Variants in ATP10A observed in about 807,000 individuals in gnomAD.
The protein encoded by ATP10A is ATPase phospholipid transporting 10A (putative).
A neutral mutation model predicts 147.8 loss-of-function variants in ATP10A; 111 were observed. The observed-to-expected ratio is 0.75, with a 90% CI of 0.64 to 0.88. ATP10A has a LOEUF of 0.88. Ranked by LOEUF, ATP10A falls within the 40% of genes least tolerant of loss-of-function variation. The probability of loss-of-function intolerance (pLI) is 0.00; values close to 1 mark genes in which losing one functional copy is unlikely to be tolerated. For synonymous variants in ATP10A, 875 were observed against 841.6 expected (o/e 1.04, Z -0.69); for missense variants, 1,927 against 1,959.0 (o/e 0.98, Z 0.31).
chr15:25,672,272 A>C, the ATP10A span, among the ~76,000 whole-genome samples: 1 of 152,072 alleles, frequency 6.6e-6, no homozygotes, highest in Non-Finnish European at 1.5e-5. Context: ...TCCTTCACTC[A>C]GTTTCCTGTC....
At chr15:25,777,693 T>C (rs1165360692) in intron 2 of ATP10A, among the ~76,000 whole-genome samples, 1 of 151,884 alleles carries the variant, frequency 6.6e-6, no homozygotes, top group Non-Finnish European at 1.5e-5. Context: ...CTCAAACTTC[T>C]GGTTCAAACC....
intron 1 of ATP10A, among the ~76,000 whole-genome samples, chr15:25,845,652 C>A (rs1892994362): frequency 6.6e-6 from 1 of 152,114 alleles, no homozygotes. Flanking sequence ...CAGCCAGGGC[C>A]CGACACCTCT....
intron 13 of ATP10A, among the ~76,000 whole-genome samples, chr15:25,698,116 T>C (rs2140333019): frequency 6.6e-6 from 1 of 152,282 alleles, no homozygotes; most frequent in African/African-American, 2.4e-5. Context: ...GGACACTAGG[T>C]AAAAACTAAG....
chr15:25,713,635 C>T (rs760327373), intron 10 of ATP10A, 39 bp downstream of exon 10: 8 of 1,589,112 alleles, frequency 5.0e-6, no homozygotes, highest in African/African-American at 2.7e-5. Context: ...AGGACCTCCT[C>T]CCCCGAGCTG....
In ATP10A at chr15:25,679,554, G is replaced by A. The variant is rs1391647866; in HGVS notation, c.4287C>T (p.Leu1429=). The A allele has an allele frequency of 5.0e-6, 8 of 1,612,424 alleles. No individual in the cohort carries two copies. Among genetic ancestry groups the A allele is most frequent in the Non-Finnish European group, 6.8e-6 (8 of 1,178,768 alleles). ...STGRVTPLSS[L]FSLPTFSLLN... Reference sequence around the variant, plus strand: ...GTAAGCTGAAGGTAGGCAGGCTGAAGAGGGAAGACAGGGGGGTCACCCTGC... The same window carrying A: ...GTAAGCTGAAGGTAGGCAGGCTGAAAAGGGAAGACAGGGGGGTCACCCTGC... Residue 1429 remains leucine, a synonymous_variant, in exon 21 of 21, where the codon CTC becomes CTT. Transcript: ENST00000555815.
chr15:25,767,256 A>G (rs1260170280), intron 2 of ATP10A, among the ~76,000 whole-genome samples: 1 of 152,148 alleles, frequency 6.6e-6, no homozygotes, highest in African/African-American at 2.4e-5. Context: ...TCCTGCAGAG[A>G]GGAGATGGGT....
chr15:25,822,389 T>C (rs765957438), intron 1 of ATP10A, among the ~76,000 whole-genome samples: 17 of 152,320 alleles, frequency 1.1e-4, no homozygotes, highest in Non-Finnish European at 2.4e-4. Context: ...CTAGACTGGA[T>C]ATGTAACTTT....
rs1889898570 is a variant in ATP10A, at chr15:25,781,072, C to T, written c.601G>A (p.Asp201Asn). Residue 201 changes from aspartate (D) to asparagine (N), a missense_variant, in exon 2 of 21, where the codon GAT becomes AAT. Transcript: ENST00000555815. Reference sequence around the variant, plus strand: ...CGCCGCTTCAGGTTGGTCTCTCCATCCAGGTTGGCGGTCTCGATGTGGCAT... The same window carrying T: ...CGCCGCTTCAGGTTGGTCTCTCCATTCAGGTTGGCGGTCTCGATGTGGCAT... Reference protein sequence around the residue: ...GLCHIETANLDGETNLKRRQV... With the variant: ...GLCHIETANLNGETNLKRRQV... 1 of 1,614,176 alleles carries T rather than the reference C, an allele frequency of 6.2e-7. No homozygotes were observed. Among genetic ancestry groups the T allele is most frequent in the Non-Finnish European group, 8.5e-7 (1 of 1,180,034 alleles).
At chr15:25,833,506 T>G (rs1892455819) in intron 1 of ATP10A, among the ~76,000 whole-genome samples, 1 of 152,018 alleles carries the variant, frequency 6.6e-6, no homozygotes, top group Admixed American at 6.6e-5. Context: ...GACAGTAGAG[T>G]ACCCCTACCA....
At chr15:25,772,490 C>T (rs530468084) in intron 2 of ATP10A, among the ~76,000 whole-genome samples, 6 of 152,248 alleles carry the variant, frequency 3.9e-5, no homozygotes, top group South Asian at 4.2e-4. Flanking sequence ...AGTCTGTCCT[C>T]GCAGAATTTC....
At chr15:25,723,209 T>C (rs538752806) in intron 6 of ATP10A, among the ~76,000 whole-genome samples, 5 of 151,830 alleles carry the variant, frequency 3.3e-5, no homozygotes, top group South Asian at 2.1e-4. Context: ...ATTAGCAAGG[T>C]GTGTGGCATG....
upstream of ATP10A, among the ~76,000 whole-genome samples, chr15:25,863,438 G>A (rs959759024): frequency 4.6e-5 from 7 of 152,116 alleles, no homozygotes; most frequent in African/African-American, 1.7e-4. Flanking sequence ...ACTGGGCCAC[G>A]CCGGATAGCG....
chr15:25,827,729 C>G (rs1471499978), intron 1 of ATP10A, among the ~76,000 whole-genome samples: 1 of 152,126 alleles, frequency 6.6e-6, no homozygotes, highest in African/African-American at 2.4e-5. Context: ...AATGGAGGAA[C>G]AGACAAATAA....
Position 25,863,080 on chromosome 15 carries a change from G to C in ATP10A, c.17C>G (p.Ala6Gly). MEREPAGTEEPGPPGR... is the reference protein window; with the variant it reads MEREPGGTEEPGPPGR... ...CGGAGGCCCGGGCTCCTCGGTCCCC[G>C]CCGGCTCCCGCTCCATGGCCGCGTG... is the stretch of plus-strand genomic sequence containing the variant. The change falls in exon 1 of 21, where the codon GCG becomes GGG. Residue 6 changes from alanine (A) to glycine (G), a missense_variant. Physicochemically the swap from Ala to Gly is moderately conservative, Grantham distance 60 (BLOSUM62 0). Coordinates refer to ENST00000555815, the MANE Select transcript of ATP10A (RefSeq NM_024490.4). 8.3e-7 allele frequency: 1 copy of C among 1,208,632 alleles called. No homozygotes were observed. The highest frequency in any genetic ancestry group is 1.0e-6 in the Non-Finnish European group (1 of 975,262). The allele number at this position is 1,208,632 out of a possible 1,614,324, so 74.9% of individuals were successfully genotyped here.
chr15:25,861,942 G>T (rs1201588117), intron 1 of ATP10A: 1 of 264,306 alleles, frequency 3.8e-6, no homozygotes, highest in Non-Finnish European at 7.5e-6. Flanking sequence ...GAGGGAAAAA[G>T]AGCAGGAGTG....
At chr15:25,820,054 T>A (rs1444152135) in intron 1 of ATP10A, among the ~76,000 whole-genome samples, 1 of 152,070 alleles carries the variant, frequency 6.6e-6, no homozygotes, top group Non-Finnish European at 1.5e-5. Context: ...TTTATACAAA[T>A]TTTTAAACAT....
intron 14 of ATP10A, among the ~76,000 whole-genome samples, chr15:25,693,211 T>A (rs1900130322): frequency 2.6e-5 from 4 of 151,864 alleles, no homozygotes; most frequent in Admixed American, 6.6e-5. Context: ...TTTGTAGAGA[T>A]GGGGACTCAC....
Position 25,734,511 on chromosome 15 carries a change from T to A in ATP10A, c.740+1545A>T, listed in dbSNP as rs1887151478. ...CTGTAGCCAACTCGTGCCTGGGGAT[T>A]CCCAGCAGTGCTGAGGATGGTGCCC... is the stretch of plus-strand genomic sequence containing the variant. On this transcript the variant is annotated intron_variant, in intron 3 of 20. Coordinates refer to ENST00000555815, the MANE Select transcript of ATP10A (RefSeq NM_024490.4). Among the ~76,000 whole-genome samples, 3 of 152,144 alleles carry A rather than the reference T, an allele frequency of 2.0e-5. No individual in the cohort carries two copies. The South Asian group carries it at 6.2e-4, about 32-fold the overall frequency.
chr15:25,777,234 C>T (rs912865538), intron 2 of ATP10A, among the ~76,000 whole-genome samples: 2 of 152,204 alleles, frequency 1.3e-5, no homozygotes, highest in Middle Eastern at 3.4e-3. Flanking sequence ...AACATGGGCC[C>T]TCTCAAGCCC....
Sources: gnomAD v4.1 joint callset for allele counts (sites outside exome capture counted in the v4.1 genomes callset) on GRCh38, gnomAD v4.1.1 for gene constraint, MANE v1.5 for transcripts, NCBI Gene and HGNC (gene_info 2026-07-23, HGNC 2026-07-21) for gene names.